The following DOK6 variants were observed in gnomAD, a reference collection of about 807,000 sequenced individuals.
DOK6 encodes docking protein 6, also known as downstream of tyrosine kinase 6.
Under a neutral mutation model 44.0 loss-of-function variants are expected in DOK6, and 22 were observed. That is an observed-to-expected ratio of 0.50 (90% CI 0.36 to 0.71). DOK6 has a LOEUF of 0.71. DOK6 is among the 30% of genes least tolerant of loss of function. DOK6 has a pLI of 0.00. For missense variants in DOK6, 340 were observed against 416.4 expected, an observed-to-expected ratio of 0.82 and a Z score of 1.60; for synonymous variants, 166 against 145.5, an observed-to-expected ratio of 1.14 and a Z score of -1.01.
chr18:69,702,457 A>G (rs565971784), intron 5 of DOK6, among the ~76,000 whole-genome samples: 1 of 152,336 alleles, frequency 6.6e-6, no homozygotes, highest in African/African-American at 2.4e-5. Context: ...CAGAGCTTCA[A>G]TTGAAGTGAG....
At chr18:69,442,400 G>A (rs764295344) in intron 1 of DOK6, among the ~76,000 whole-genome samples, 9 of 152,158 alleles carry the variant, frequency 5.9e-5, no homozygotes, top group Admixed American at 1.3e-4. Context: ...GGTGGAAGGG[G>A]AAGCAAACAC....
At chr18:69,536,195 C>CTTAA (rs1377887264) in intron 1 of DOK6, among the ~76,000 whole-genome samples, 1 of 152,108 alleles carries the variant, frequency 6.6e-6, no homozygotes, top group African/African-American at 2.4e-5. Context: ...TCTTGAAACA[C>CTTAA]TTAAGGTGGC....
chr18:69,754,000 T>C (rs1228431493), intron 6 of DOK6, among the ~76,000 whole-genome samples: 1 of 152,192 alleles, frequency 6.6e-6, no homozygotes, highest in African/African-American at 2.4e-5. Flanking sequence ...TAAGTTGCCT[T>C]ATATATTTTG....
At position 69,518,546 on chromosome 18, in the gene DOK6, T is replaced by C. The variant is rs113639529; in HGVS notation, c.67-45941T>C. Among the ~76,000 whole-genome samples the C allele has an allele frequency of 3.1e-3, 466 of 152,090 alleles. 2 individuals carry two copies. Among genetic ancestry groups the C allele is most frequent in the African/African-American group, 0.011 (440 of 41,530 alleles). On this transcript the variant is annotated intron_variant, in intron 1 of 7. Coordinates refer to ENST00000382713, the MANE Select transcript of DOK6 (RefSeq NM_152721.6). ...AACCAAAAATGTTTGCCTGAAGACA[T>C]CAGTAGGTTATCACAGTTGAGGTCA... is the stretch of plus-strand genomic sequence containing the variant.
At chr18:69,628,936 C>T (rs972356474) in intron 3 of DOK6, among the ~76,000 whole-genome samples, 3 of 152,158 alleles carry the variant, frequency 2.0e-5, no homozygotes, top group Non-Finnish European at 4.4e-5. Flanking sequence ...ATATGCAAGC[C>T]ACAAATATCA....
intron 7 of DOK6, among the ~76,000 whole-genome samples, chr18:69,806,237 G>C (rs958806095): frequency 1.3e-5 from 2 of 151,844 alleles, no homozygotes; most frequent in African/African-American, 4.8e-5. Context: ...AAGAAAATTA[G>C]TTTTACTTAT....
intron 7 of DOK6, among the ~76,000 whole-genome samples, chr18:69,758,268 G>A (rs1357035667): frequency 6.6e-6 from 1 of 152,102 alleles, no homozygotes; most frequent in African/African-American, 2.4e-5. Flanking sequence ...CTGACTTCAG[G>A]CTTTAAGGCT....
intron 1 of DOK6, among the ~76,000 whole-genome samples, chr18:69,441,141 C>T (rs1353178556): frequency 6.6e-6 from 1 of 151,908 alleles, no homozygotes; most frequent in African/African-American, 2.4e-5. Context: ...TCCTTATAGC[C>T]AACAACCACC....
intron 1 of DOK6, among the ~76,000 whole-genome samples, chr18:69,417,574 A>G (rs1978373262): frequency 6.6e-6 from 1 of 152,152 alleles, no homozygotes. Flanking sequence ...TTTTGTATAT[A>G]TACCCAGAGA....
In DOK6 at chr18:69,564,525, T is replaced by C; in HGVS notation, c.105T>C (p.Ser35=). The C allele has an allele frequency of 1.2e-6, 2 of 1,613,962 alleles. No homozygotes were observed. The highest frequency in any genetic ancestry group is 1.3e-5 in the African/African-American group (1 of 75,044). The change falls in exon 2 of 8, where the codon TCT becomes TCC. Residue 35 remains serine, a synonymous_variant. Coordinates refer to ENST00000382713, the MANE Select transcript of DOK6 (RefSeq NM_152721.6). ...GCTGGTTGGTTTTCAAGAAGGCTTC[T>C]AGCAAAGGACCCAGAAGGTTAGAAA... is the stretch of plus-strand genomic sequence containing the variant. ...RRCWLVFKKA[S]SKGPRRLEKF...
At chr18:69,562,287 T>A (rs968558050) in intron 1 of DOK6, among the ~76,000 whole-genome samples, 1 of 152,162 alleles carries the variant, frequency 6.6e-6, no homozygotes, top group Non-Finnish European at 1.5e-5. Flanking sequence ...TGGGTTTTTT[T>A]TTCAATCAAA....
At chr18:69,755,661 C>A (rs1979331388) in intron 6 of DOK6, among the ~76,000 whole-genome samples, 1 of 152,202 alleles carries the variant, frequency 6.6e-6, no homozygotes. Context: ...TGATGGACTT[C>A]CATCCATATG....
intron 2 of DOK6, among the ~76,000 whole-genome samples, chr18:69,583,245 G>T (rs564678175): frequency 6.6e-6 from 1 of 152,232 alleles, no homozygotes; most frequent in Non-Finnish European, 1.5e-5. Context: ...AATCTGATGG[G>T]TGTAAAGTCA....
intron 3 of DOK6, among the ~76,000 whole-genome samples, chr18:69,654,919 A>G (rs1014216489): frequency 1.3e-5 from 2 of 152,156 alleles, no homozygotes; most frequent in African/African-American, 2.4e-5. Flanking sequence ...TTAGCTGGGT[A>G]TGGTGGTGTG....
intron 5 of DOK6, among the ~76,000 whole-genome samples, chr18:69,715,466 A>G (rs545315792): frequency 3.4e-4 from 52 of 152,344 alleles, no homozygotes; most frequent in African/African-American, 1.2e-3. Context: ...ACTAAGTAGC[A>G]TATGGTCTGG....
intron 1 of DOK6, among the ~76,000 whole-genome samples, chr18:69,452,953 CATACTGA>C (rs1259399852): frequency 3.0e-5 from 3 of 101,220 alleles, no homozygotes; most frequent in African/African-American, 1.2e-4. Flanking sequence ...CAGCCAATAT[CATACTGA>C]ATGGGAAAAA....
chr18:69,475,124 G>C (rs921377762), intron 1 of DOK6, among the ~76,000 whole-genome samples: 2 of 152,032 alleles, frequency 1.3e-5, no homozygotes, highest in Non-Finnish European at 2.9e-5. Flanking sequence ...ATAAATACCA[G>C]TTATATATTT....
intron 1 of DOK6, among the ~76,000 whole-genome samples, chr18:69,426,492 C>G (rs1446463876): frequency 6.6e-6 from 1 of 152,064 alleles, no homozygotes; most frequent in Non-Finnish European, 1.5e-5. Context: ...CTCAGATCAC[C>G]TATGAAAGTC....
intron 1 of DOK6, among the ~76,000 whole-genome samples, chr18:69,412,360 G>C (rs1364885164): frequency 6.6e-6 from 1 of 152,116 alleles, no homozygotes; most frequent in African/African-American, 2.4e-5. Flanking sequence ...CTCCATGGTA[G>C]CACTATGGCT....
Sources: gnomAD v4.1 joint callset for allele counts (sites outside exome capture counted in the v4.1 genomes callset) on GRCh38, gnomAD v4.1.1 for gene constraint, MANE v1.5 for transcripts, NCBI Gene and HGNC (gene_info 2026-07-23, HGNC 2026-07-21) for gene names.